The following FAF1 variants were observed in gnomAD, a reference collection of about 807,000 sequenced individuals.
FAF1 encodes FAS-associated factor 1.
FAF1 carries 25 observed loss-of-function variants against 92.5 expected under a neutral mutation model. The observed-to-expected ratio is 0.27, with a 90% CI of 0.20 to 0.38. The LOEUF (loss-of-function observed/expected upper bound fraction) is 0.38. FAF1 is among the 10% of genes least tolerant of loss of function. The pLI, the probability that FAF1 is intolerant of heterozygous loss-of-function variation, is 1.00. For synonymous variants in FAF1, 234 were observed against 273.2 expected (o/e 0.86, Z 1.42); for missense variants, 636 against 793.3 (o/e 0.80, Z 2.38).
chr1:50,547,457 A>G (rs1381481798), intron 13 of FAF1, among the ~76,000 whole-genome samples: 1 of 151,158 alleles, frequency 6.6e-6, no homozygotes, highest in African/African-American at 2.4e-5. Flanking sequence ...CTTGTTGCCC[A>G]GGCTGTAGTG....
At chr1:50,630,637 T>C (rs958192976) in intron 8 of FAF1, among the ~76,000 whole-genome samples, 3 of 152,148 alleles carry the variant, frequency 2.0e-5, no homozygotes, top group African/African-American at 7.2e-5. Context: ...GGGAATGACA[T>C]AATATTAAAG....
At chr1:50,675,163 T>C (rs1340884892) in intron 7 of FAF1, among the ~76,000 whole-genome samples, 2 of 152,232 alleles carry the variant, frequency 1.3e-5, no homozygotes, top group Non-Finnish European at 2.9e-5. Context: ...GCACTGGGAT[T>C]ACAGGCGTGA....
chr1:50,730,690 C>T (rs1658876980), intron 6 of FAF1, among the ~76,000 whole-genome samples: 1 of 152,204 alleles, frequency 6.6e-6, no homozygotes, highest in Non-Finnish European at 1.5e-5. Context: ...ATACTATACC[C>T]AAATGGCTCA....
intron 18 of FAF1, among the ~76,000 whole-genome samples, chr1:50,443,025 T>C (rs1422739008): frequency 6.6e-6 from 1 of 152,196 alleles, no homozygotes; most frequent in Non-Finnish European, 1.5e-5. Flanking sequence ...ACTTCCCCAA[T>C]TAACGTACAA....
intron 3 of FAF1, among the ~76,000 whole-genome samples, chr1:50,796,536 T>C (rs570221210): frequency 7.9e-5 from 12 of 152,302 alleles, no homozygotes; most frequent in African/African-American, 2.6e-4. Context: ...CACTTTCCTT[T>C]GTGCCCATTG....
chr1:50,588,757 T>G (rs143348139), intron 9 of FAF1, among the ~76,000 whole-genome samples: 3 of 152,284 alleles, frequency 2.0e-5, no homozygotes, highest in Admixed American at 6.5e-5. Flanking sequence ...CTGCTGTGCC[T>G]CTGTGTCCAG....
At chr1:50,668,343 C>A (rs1196666070) in intron 7 of FAF1, among the ~76,000 whole-genome samples, 1 of 152,170 alleles carries the variant, frequency 6.6e-6, no homozygotes, top group East Asian at 1.9e-4. Flanking sequence ...ATTAAGTAAG[C>A]TCCTCCAAAG....
chr1:50,747,735 A>C (rs1309690116), intron 4 of FAF1, among the ~76,000 whole-genome samples: 3 of 152,192 alleles, frequency 2.0e-5, no homozygotes, highest in African/African-American at 7.2e-5. Flanking sequence ...CAATCATGTT[A>C]AATTATAATC....
chr1:50,689,779 T>G (rs2124388395), intron 7 of FAF1, among the ~76,000 whole-genome samples: 1 of 152,306 alleles, frequency 6.6e-6, no homozygotes, highest in Non-Finnish European at 1.5e-5. Flanking sequence ...GGATTACATG[T>G]GGCAACACAG....
intron 15 of FAF1, among the ~76,000 whole-genome samples, chr1:50,512,261 G>A (rs946693684): frequency 6.6e-6 from 1 of 152,128 alleles, no homozygotes; most frequent in Non-Finnish European, 1.5e-5. Flanking sequence ...CCATTTGTCA[G>A]TTTTGGCTTT....
intron 18 of FAF1, among the ~76,000 whole-genome samples, chr1:50,451,325 A>T (rs535037100): frequency 3.6e-4 from 55 of 152,350 alleles, no homozygotes; most frequent in Non-Finnish European, 6.3e-4. Flanking sequence ...AACAAGAGCT[A>T]ACATTTATTG....
chr1:50,786,229 A>C (rs1661359798), intron 4 of FAF1, among the ~76,000 whole-genome samples: 1 of 152,248 alleles, frequency 6.6e-6, no homozygotes, highest in Non-Finnish European at 1.5e-5. Flanking sequence ...GATGTTAATG[A>C]CTAAAAAAAA....
At chr1:50,773,861 T>C (rs1660859675) in intron 4 of FAF1, among the ~76,000 whole-genome samples, 2 of 152,278 alleles carry the variant, frequency 1.3e-5, no homozygotes, top group Middle Eastern at 3.4e-3. Flanking sequence ...AAATGGTAAG[T>C]ATATGAGATG....
At chr1:50,678,610 T>A (rs1444392388) in intron 7 of FAF1, among the ~76,000 whole-genome samples, 1 of 150,050 alleles carries the variant, frequency 6.7e-6, no homozygotes, top group Non-Finnish European at 1.5e-5. Context: ...TGAAACCCCG[T>A]CTCTACTAAA....
At chr1:50,549,196 C>G (rs1649172942) in intron 13 of FAF1, among the ~76,000 whole-genome samples, 1 of 152,178 alleles carries the variant, frequency 6.6e-6, no homozygotes, top group South Asian at 2.1e-4. Flanking sequence ...TAACGTCCTA[C>G]TCAGAGCAGA....
At position 50,792,978 on chromosome 1, in the gene FAF1, TTTTG is replaced by T. The variant is rs1661616851; in HGVS notation, c.162-4777_162-4774del. Among the ~76,000 whole-genome samples the T allele has an allele frequency of 2.0e-5, 3 of 152,192 alleles. No homozygotes were observed. The South Asian group carries it at 6.2e-4, about 32-fold the overall frequency. On this transcript the variant is annotated intron_variant, in intron 3 of 18. Coordinates refer to ENST00000396153, the MANE Select transcript of FAF1 (RefSeq NM_007051.3). ...GAAGTACTTAACTGAGCATGGGTTT[TTTTG>T]TTTGTTTTTGTTTGTTTTCTTTTTT...
intron 3 of FAF1, among the ~76,000 whole-genome samples, chr1:50,796,729 C>T (rs1557531922): frequency 1.3e-5 from 2 of 152,138 alleles, no homozygotes. Context: ...GGTCCAGCTG[C>T]CTCCTGCAGT....
At chr1:50,910,042 G>A (rs948963597) in intron 1 of FAF1, among the ~76,000 whole-genome samples, 4 of 152,180 alleles carry the variant, frequency 2.6e-5, no homozygotes, top group African/African-American at 9.7e-5. Flanking sequence ...TGATGATGTT[G>A]ACGTACAGAC....
chr1:50,451,148 C>T (rs890988351), intron 18 of FAF1, among the ~76,000 whole-genome samples: 6 of 151,832 alleles, frequency 4.0e-5, no homozygotes, highest in African/African-American at 1.2e-4. Context: ...GCATAGGTGT[C>T]GAGGACATTT....
Sources: allele counts gnomAD v4.1 joint callset (sites outside exome capture counted in the v4.1 genomes callset), GRCh38; gene constraint gnomAD v4.1.1; transcripts MANE v1.5; gene names NCBI Gene and HGNC (gene_info 2026-07-23, HGNC 2026-07-21).